Variants in PGR observed in about 807,000 individuals in gnomAD.
The protein encoded by PGR is nuclear receptor subfamily 3 group C member 3.
A neutral mutation model predicts 76.1 loss-of-function variants in PGR; 25 were observed. The observed-to-expected ratio is 0.33, with a 90% CI of 0.24 to 0.46. PGR has a LOEUF of 0.46. Ranked by LOEUF, PGR falls within the 20% of genes least tolerant of loss-of-function variation. The probability of loss-of-function intolerance (pLI) is 1.00; values close to 1 mark genes in which losing one functional copy is unlikely to be tolerated. For missense variants in PGR, 1,172 were observed against 1,225.3 expected (o/e 0.96, Z 0.65); for synonymous variants, 579 against 535.0 (o/e 1.08, Z -1.14).
At position 101,079,826 on chromosome 11, in the gene PGR, C is replaced by G. The variant is rs140133322; in HGVS notation, c.1906+11934G>C. Among the ~76,000 whole-genome samples the G allele has an allele frequency of 6.1e-3, 927 of 152,318 alleles. 11 individuals are homozygous for G. Among genetic ancestry groups the G allele is most frequent in the African/African-American group, 0.021 (876 of 41,572 alleles). On this transcript the variant is annotated intron_variant, in intron 3 of 7. Transcript: ENST00000325455. ...CTGCATTCACATGTTTCCTGCAGCACTATATATAATTGTCATTTACCCCTC... is the reference window on the plus strand; with the variant it reads ...CTGCATTCACATGTTTCCTGCAGCAGTATATATAATTGTCATTTACCCCTC...
rs1264004778 is a variant in PGR, at chr11:101,030,569, C to T, written c.*8547G>A. The T allele has an allele frequency of 4.5e-6, 1 of 224,238 alleles. No individual in the cohort carries two copies. The highest frequency in any genetic ancestry group is 8.9e-6 in the Non-Finnish European group (1 of 112,394). 13.9% of individuals were successfully genotyped at this position (224,238 alleles called of 1,614,324 possible). Reference sequence around the variant, plus strand: ...TTAATCTTTGTGTTTTTCTCTTTGGCACTGGACCTTTCTCCTGGTCAGTTG... The same window carrying T: ...TTAATCTTTGTGTTTTTCTCTTTGGTACTGGACCTTTCTCCTGGTCAGTTG... On this transcript the variant is annotated 3_prime_UTR_variant, in exon 8 of 8. Coordinates refer to ENST00000325455, the MANE Select transcript of PGR (RefSeq NM_000926.4).
At chr11:101,051,693 T>C in intron 4 of PGR, 125 bp from the exon 5 acceptor site, 1 of 707,260 alleles carries the variant, frequency 1.4e-6, no homozygotes, top group Non-Finnish European at 2.5e-6. Flanking sequence ...AATCCCAACA[T>C]ATTTTACACT....
chr11:101,031,812 C>T lies in PGR; in HGVS notation c.*7304G>A, dbSNP rs1192113000. On this transcript the variant is annotated 3_prime_UTR_variant, in exon 8 of 8. Coordinates refer to ENST00000325455, the MANE Select transcript of PGR (RefSeq NM_000926.4). ...AGCCATGGATTCATACCATCAAATA[C>T]CTATGAGTTAGGTGAATTCCTCTCG... 4.4e-6 allele frequency: 1 copy of T among 228,446 alleles called. No homozygotes were observed. The highest frequency in any genetic ancestry group is 8.7e-6 in the Non-Finnish European group (1 of 115,114). 14.2% of individuals were successfully genotyped at this position (228,446 alleles called of 1,614,324 possible).
At chr11:101,091,529 T>C (rs1359914657) in intron 3 of PGR, among the ~76,000 whole-genome samples, 1 of 152,178 alleles carries the variant, frequency 6.6e-6, no homozygotes, top group Non-Finnish European at 1.5e-5. Flanking sequence ...ATAGGCAATA[T>C]AGATGAATTG....
chr11:101,064,983 C>A (rs981936730), intron 3 of PGR, among the ~76,000 whole-genome samples: 1 of 152,162 alleles, frequency 6.6e-6, no homozygotes, highest in African/African-American at 2.4e-5. Flanking sequence ...TGGGCTACAC[C>A]AAACAGCCTA....
intron 4 of PGR, among the ~76,000 whole-genome samples, chr11:101,060,778 A>T (rs1860464449): frequency 1.3e-5 from 2 of 152,216 alleles, no homozygotes; most frequent in South Asian, 4.1e-4. Flanking sequence ...TGTTGCCATT[A>T]TTCTGATTTA....
chr11:101,068,543 AAG>A (rs1860804836), intron 3 of PGR, among the ~76,000 whole-genome samples: 1 of 152,202 alleles, frequency 6.6e-6, no homozygotes, highest in Non-Finnish European at 1.5e-5. Flanking sequence ...GGAACCAAAA[AAG>A]AGCCTGTATA....
intron 4 of PGR, among the ~76,000 whole-genome samples, chr11:101,053,748 T>C (rs115565790): frequency 0.014 from 2,082 of 150,420 alleles, 47 homozygotes; most frequent in African/African-American, 0.049. Flanking sequence ...TCCTTTCCTC[T>C]TTTTCCTCCT....
chr11:101,060,111 T>G (rs185739906), intron 4 of PGR, among the ~76,000 whole-genome samples: 1 of 152,286 alleles, frequency 6.6e-6, no homozygotes, highest in Admixed American at 6.5e-5. Flanking sequence ...TACAGTTTCC[T>G]ATTGTGAAAG....
At chr11:101,052,813 T>C (rs1410548865) in intron 4 of PGR, among the ~76,000 whole-genome samples, 1 of 152,060 alleles carries the variant, frequency 6.6e-6, no homozygotes, top group African/African-American at 2.4e-5. Context: ...TGATTGCCGG[T>C]AGATGGGAAG....
intron 1 of PGR, among the ~76,000 whole-genome samples, chr11:101,126,656 T>C (rs1396720214): frequency 6.6e-6 from 1 of 152,204 alleles, no homozygotes; most frequent in East Asian, 1.9e-4. Context: ...TATTGTCCAA[T>C]ACACTGACAC....
At chr11:101,117,904 T>C (rs1862559915) in intron 2 of PGR, among the ~76,000 whole-genome samples, 1 of 152,164 alleles carries the variant, frequency 6.6e-6, no homozygotes, top group South Asian at 2.1e-4. Flanking sequence ...AGGATTGTTG[T>C]GAAGAATAGA....
chr11:101,041,724 C>T, intron 7 of PGR: 1 of 493,744 alleles, frequency 2.0e-6, no homozygotes, highest in East Asian at 3.4e-5. Context: ...ATTAAATTAC[C>T]CTCACATTAT....
chr11:101,128,209 G>T lies in PGR; in HGVS notation c.862C>A (p.Pro288Thr). Residue 288 changes from proline to threonine, a missense_variant, in exon 1 of 8, where the codon CCG becomes ACG. Coordinates refer to ENST00000325455, the MANE Select transcript of PGR (RefSeq NM_000926.4). ...AGCGGGGAGCGCCCGGGCGCCATCG[G>T]CGCGTCCTGCTCCACCAGGGCGACC... ...PRVALVEQDAPMAPGRSPLAT... is the reference protein window; with the variant it reads ...PRVALVEQDATMAPGRSPLAT... 6.3e-7 allele frequency: 1 copy of T among 1,598,274 alleles called. No individual in the cohort carries two copies.
intron 2 of PGR, among the ~76,000 whole-genome samples, chr11:101,092,472 C>A (rs559548573): frequency 6.6e-6 from 1 of 152,030 alleles, no homozygotes; most frequent in Non-Finnish European, 1.5e-5. Flanking sequence ...TTAGAAAATA[C>A]CTTGAACAGA....
At chr11:101,069,726 G>A (rs1860852769) in intron 3 of PGR, among the ~76,000 whole-genome samples, 1 of 152,108 alleles carries the variant, frequency 6.6e-6, no homozygotes, top group Non-Finnish European at 1.5e-5. Context: ...GGATGAAGCT[G>A]GAAACCATTC....
chr11:101,101,427 T>A (rs1365229362), intron 2 of PGR, among the ~76,000 whole-genome samples: 1 of 152,188 alleles, frequency 6.6e-6, no homozygotes, highest in Non-Finnish European at 1.5e-5. Flanking sequence ...TAAGTGTATT[T>A]TAAGATTACC....
intron 2 of PGR, among the ~76,000 whole-genome samples, chr11:101,103,587 A>G (rs765110920): frequency 6.6e-6 from 1 of 152,150 alleles, no homozygotes; most frequent in Non-Finnish European, 1.5e-5. Flanking sequence ...ATATAAGAAT[A>G]TATGTTATCT....
chr11:101,125,353 C>T (rs1309037524), intron 2 of PGR, among the ~76,000 whole-genome samples: 1 of 152,044 alleles, frequency 6.6e-6, no homozygotes, highest in Non-Finnish European at 1.5e-5. Flanking sequence ...TTACTTAAAG[C>T]AAAATACTTC....
Sources: allele counts gnomAD v4.1 joint callset (sites outside exome capture counted in the v4.1 genomes callset), GRCh38; gene constraint gnomAD v4.1.1; transcripts MANE v1.5; gene names NCBI Gene and HGNC (gene_info 2026-07-23, HGNC 2026-07-21).